The following TRHDE variants were observed in gnomAD, a reference collection of about 807,000 sequenced individuals.
TRHDE encodes the protein thyrotropin-releasing hormone-degrading ectoenzyme.
In TRHDE, 72 loss-of-function variants were observed where a neutral mutation model predicts 125.7. The observed-to-expected ratio is 0.57, with a 90% CI of 0.47 to 0.70. TRHDE has a LOEUF of 0.70. Ranked by LOEUF, TRHDE falls within the 30% of genes least tolerant of loss-of-function variation. The pLI is 0.00. For missense variants in TRHDE, 1,110 were observed against 1,327.1 expected (o/e 0.84, Z 2.54); for synonymous variants, 509 against 509.1 (o/e 1.00, Z 0.00).
chr12:72,371,739 G>T (rs999596508), intron 2 of TRHDE, among the ~76,000 whole-genome samples: 4 of 151,872 alleles, frequency 2.6e-5, no homozygotes, highest in African/African-American at 9.7e-5. Context: ...TTTTATGGCC[G>T]CATAGTATTC....
At chr12:72,387,456 C>T (rs1872468264) in intron 3 of TRHDE, among the ~76,000 whole-genome samples, 1 of 152,098 alleles carries the variant, frequency 6.6e-6, no homozygotes, top group South Asian at 2.1e-4. Flanking sequence ...TTCCAACCAC[C>T]ATACTCTTTT....
intron 2 of TRHDE, among the ~76,000 whole-genome samples, chr12:72,141,671 AT>A (rs1443717900): frequency 6.6e-6 from 1 of 152,270 alleles, no homozygotes; most frequent in African/African-American, 2.4e-5. Flanking sequence ...AAAAATAATG[AT>A]TCTCATCTTT....
chr12:72,098,927 A>G (rs1171510473), intron 1 of TRHDE, among the ~76,000 whole-genome samples: 1 of 152,126 alleles, frequency 6.6e-6, no homozygotes. Context: ...GCACTTTGGG[A>G]GGCTGGCACT....
intron 7 of TRHDE, among the ~76,000 whole-genome samples, chr12:72,550,972 G>T (rs2135997366): frequency 6.6e-6 from 1 of 151,660 alleles, no homozygotes; most frequent in African/African-American, 2.4e-5. Context: ...TACATTCTCT[G>T]CTTGCATTTC....
chr12:72,107,791 G>T (rs1875222399), intron 2 of TRHDE, among the ~76,000 whole-genome samples: 1 of 151,928 alleles, frequency 6.6e-6, no homozygotes, highest in South Asian at 2.1e-4. Context: ...AATTTAAAAT[G>T]AACTTATTAC....
intron 3 of TRHDE, among the ~76,000 whole-genome samples, chr12:72,418,201 T>C (rs908223925): frequency 6.6e-6 from 1 of 152,070 alleles, no homozygotes; most frequent in Admixed American, 6.6e-5. Context: ...CAGGCATGAA[T>C]CAAAGTTTTC....
intron 2 of TRHDE, among the ~76,000 whole-genome samples, chr12:72,117,652 G>A (rs972461831): frequency 3.3e-5 from 5 of 152,066 alleles, no homozygotes; most frequent in African/African-American, 4.8e-5. Context: ...CATTGACTCT[G>A]TAGACTGCTT....
intron 6 of TRHDE, among the ~76,000 whole-genome samples, chr12:72,517,520 T>C (rs1310762771): frequency 2.1e-4 from 32 of 152,210 alleles, no homozygotes; most frequent in Non-Finnish European, 3.2e-4. Context: ...TTGCGTCTGT[T>C]TGATTCTTCT....
intron 12 of TRHDE, among the ~76,000 whole-genome samples, chr12:72,591,252 G>A (rs1871666015): frequency 6.6e-6 from 1 of 152,140 alleles, no homozygotes; most frequent in Non-Finnish European, 1.5e-5. Context: ...GATGAGATTT[G>A]GGTGTGGACA....
At chr12:72,175,728 T>A (rs954992166) in intron 2 of TRHDE, among the ~76,000 whole-genome samples, 1 of 152,228 alleles carries the variant, frequency 6.6e-6, no homozygotes, top group African/African-American at 2.4e-5. Flanking sequence ...AAAAGTATAC[T>A]GCCAATGCAA....
chr12:72,360,032 C>T (rs567989894), intron 2 of TRHDE, among the ~76,000 whole-genome samples: 10 of 151,544 alleles, frequency 6.6e-5, no homozygotes, highest in Non-Finnish European at 1.3e-4. Flanking sequence ...AGTACGGAGA[C>T]AATTGATTAT....
In TRHDE at chr12:72,556,266, G is replaced by A. The variant is rs543089192; in HGVS notation, c.1789-5899G>A. ...CCTTCATTTTGCTTAACCCATTAGG[G>A]TTGTATTATGCAAGCAACAGAAACA... On this transcript the variant is annotated intron_variant, in intron 7 of 18. Coordinates refer to ENST00000261180, the MANE Select transcript of TRHDE (RefSeq NM_013381.3). 2.0e-5 allele frequency among the ~76,000 whole-genome samples: 3 copies of A among 152,304 alleles called. No homozygotes were observed. In the East Asian group the frequency reaches 5.8e-4, roughly 29 times the overall value.
At chr12:72,186,812 G>A (rs934536209) in intron 2 of TRHDE, among the ~76,000 whole-genome samples, 9 of 151,548 alleles carry the variant, frequency 5.9e-5, no homozygotes, top group African/African-American at 2.2e-4. Flanking sequence ...TACTGCAGTT[G>A]TAAGTGGCTC....
chr12:72,091,543 T>C (rs1177344437), intron 1 of TRHDE, among the ~76,000 whole-genome samples: 1 of 152,216 alleles, frequency 6.6e-6, no homozygotes, highest in African/African-American at 2.4e-5. Context: ...ATCCTTTTCT[T>C]CTGGTAACAG....
intron 3 of TRHDE, among the ~76,000 whole-genome samples, chr12:72,410,800 A>G (rs1346690531): frequency 6.6e-6 from 1 of 151,820 alleles, no homozygotes; most frequent in Non-Finnish European, 1.5e-5. Context: ...TCAGACAATG[A>G]TGCTGGCTGG....
In TRHDE at chr12:72,631,120, A is replaced by T. The variant is rs934686377; in HGVS notation, c.2675+9369A>T. On this transcript the variant is annotated intron_variant, in intron 15 of 18. Coordinates refer to ENST00000261180, the MANE Select transcript of TRHDE (RefSeq NM_013381.3). ...CATATATAAATATTATTTCATCCTGAGATATACAGAGCAGGCATTCAACAT... is the reference window on the plus strand; with the variant it reads ...CATATATAAATATTATTTCATCCTGTGATATACAGAGCAGGCATTCAACAT... 2.0e-5 allele frequency among the ~76,000 whole-genome samples: 3 copies of T among 151,476 alleles called. No individual in the cohort carries two copies. The Admixed American group carries it at 2.0e-4, about 10-fold the overall frequency.
chr12:72,633,526 G>A (rs1289941749), intron 15 of TRHDE, among the ~76,000 whole-genome samples: 1 of 152,034 alleles, frequency 6.6e-6, no homozygotes, highest in African/African-American at 2.4e-5. Flanking sequence ...GAATGCAAAT[G>A]CTGTTTAGGC....
At chr12:72,455,183 C>A (rs1875782538) in intron 3 of TRHDE, among the ~76,000 whole-genome samples, 1 of 152,054 alleles carries the variant, frequency 6.6e-6, no homozygotes, top group Admixed American at 6.6e-5. Flanking sequence ...CTTAATATTT[C>A]TGATATTTCC....
At chr12:72,463,155 G>A (rs942157669) in intron 3 of TRHDE, among the ~76,000 whole-genome samples, 1 of 152,174 alleles carries the variant, frequency 6.6e-6, no homozygotes, top group African/African-American at 2.4e-5. Context: ...GACTACACTA[G>A]GGGCTCAGCA....
Sources: allele counts gnomAD v4.1 joint callset (sites outside exome capture counted in the v4.1 genomes callset), GRCh38; gene constraint gnomAD v4.1.1; transcripts MANE v1.5; gene names NCBI Gene and HGNC (gene_info 2026-07-23, HGNC 2026-07-21).